RAB38: variants seen among roughly 807,000 people sequenced by gnomAD.
The protein encoded by RAB38 is RAB38, member RAS oncogene family.
In RAB38, 15 loss-of-function variants were observed where a neutral mutation model predicts 18.4. That is an observed-to-expected ratio of 0.82 (90% CI 0.55 to 1.26). The LOEUF (loss-of-function observed/expected upper bound fraction) is 1.26. RAB38 is among the 50% of genes most tolerant of loss of function. RAB38 has a pLI of 0.00. For synonymous variants in RAB38, 101 were observed against 104.4 expected (o/e 0.97, Z 0.20); for missense variants, 294 against 267.4 (o/e 1.10, Z -0.69).
chr11:88,029,505 C>A, the RAB38 span, among the ~76,000 whole-genome samples: 1 of 152,100 alleles, frequency 6.6e-6, no homozygotes, highest in Non-Finnish European at 1.5e-5. Flanking sequence ...CAGAGACACA[C>A]ATAGGCTTAA....
At chr11:88,092,481 C>T in the RAB38 span, among the ~76,000 whole-genome samples, 1 of 147,834 alleles carries the variant, frequency 6.8e-6, no homozygotes, top group Non-Finnish European at 1.5e-5. Context: ...ACAACTGGAT[C>T]TCATATGAAT....
chr11:87,898,898 G>A, the RAB38 span, among the ~76,000 whole-genome samples: 2 of 151,634 alleles, frequency 1.3e-5, no homozygotes, highest in Non-Finnish European at 3.0e-5. Flanking sequence ...GGACCAAGAT[G>A]CCTGTTATCA....
chr11:88,125,623 T>C (rs1048269159), intron 2 of RAB38, among the ~76,000 whole-genome samples: 23 of 152,158 alleles, frequency 1.5e-4, no homozygotes, highest in Non-Finnish European at 3.1e-4. Flanking sequence ...TAGCCCTTTG[T>C]CAGATAAGTA....
In RAB38 at chr11:88,116,355, T is replaced by C. The variant is rs1186254061; in HGVS notation, c.484-2215A>G. ...CCCTATTTGAATGGTTTTAACGTAC[T>C]TGCCTGGCCATTAATAAGCCAATAC... On this transcript the variant is annotated intron_variant, in intron 2 of 2. Transcript: ENST00000243662. Among the ~76,000 whole-genome samples, 7 of 152,366 alleles carry C rather than the reference T, an allele frequency of 4.6e-5. No homozygotes were observed. The East Asian group carries it at 1.2e-3, about 25-fold the overall frequency.
chr11:87,943,327 G>A, the RAB38 span, among the ~76,000 whole-genome samples: 1 of 152,072 alleles, frequency 6.6e-6, no homozygotes, highest in African/African-American at 2.4e-5. Context: ...TTTGTGGGTT[G>A]ATGATACATG....
At chr11:87,826,657 T>C in the RAB38 span, among the ~76,000 whole-genome samples, 1 of 152,322 alleles carries the variant, frequency 6.6e-6, no homozygotes, top group Admixed American at 6.5e-5. Context: ...GTTCTCCTAA[T>C]AACTCTTAAA....
chr11:87,850,714 C>CCCCACACA, the RAB38 span, among the ~76,000 whole-genome samples: 1 of 146,408 alleles, frequency 6.8e-6, no homozygotes, highest in African/African-American at 2.5e-5. Context: ...CACAACACTG[C>CCCCACACA]CACACACACA....
In RAB38 at chr11:88,131,065, A is replaced by G. The variant is rs183709413; in HGVS notation, c.484-16925T>C. Among the ~76,000 whole-genome samples the G allele has an allele frequency of 2.6e-4, 39 of 152,310 alleles. 1 individual carries two copies. In the East Asian group the frequency reaches 4.6e-3, roughly 18 times the overall value. ...CTTAAACATATAAAATAATTTATGTACAAAAATACCCATCATTACATTATT... is the reference window on the plus strand; with the variant it reads ...CTTAAACATATAAAATAATTTATGTGCAAAAATACCCATCATTACATTATT... On this transcript the variant is annotated intron_variant, in intron 2 of 2. Coordinates refer to ENST00000243662, the MANE Select transcript of RAB38 (RefSeq NM_022337.3).
chr11:87,897,466 G>T, the RAB38 span, among the ~76,000 whole-genome samples: 5 of 151,418 alleles, frequency 3.3e-5, no homozygotes, highest in African/African-American at 9.7e-5. Context: ...AAAACCTAAA[G>T]GTCTTGAAGT....
the RAB38 span, among the ~76,000 whole-genome samples, chr11:87,931,844 T>C: frequency 6.6e-6 from 1 of 151,824 alleles, no homozygotes. Flanking sequence ...GATGAATGTG[T>C]GTTCTCTGAC....
chr11:88,123,040 C>T (rs1289429898), intron 2 of RAB38, among the ~76,000 whole-genome samples: 1 of 152,216 alleles, frequency 6.6e-6, no homozygotes, highest in Non-Finnish European at 1.5e-5. Context: ...AAACGATATA[C>T]ACAGATGAAA....
At chr11:88,093,266 C>T in the RAB38 span, among the ~76,000 whole-genome samples, 1 of 151,778 alleles carries the variant, frequency 6.6e-6, no homozygotes, top group African/African-American at 2.4e-5. Context: ...ACCTCTGATC[C>T]AATCTGCAAT....
the RAB38 span, among the ~76,000 whole-genome samples, chr11:87,812,327 A>G: frequency 6.6e-6 from 1 of 152,012 alleles, no homozygotes; most frequent in Non-Finnish European, 1.5e-5. Context: ...TCTGTTACTG[A>G]TGATTAAATC....
the RAB38 span, among the ~76,000 whole-genome samples, chr11:88,018,455 A>G: frequency 6.6e-6 from 1 of 152,092 alleles, no homozygotes; most frequent in African/African-American, 2.4e-5. Context: ...TCTCTTCTAC[A>G]ATAACCCCAT....
chr11:88,143,509 C>T (rs1229106857), intron 2 of RAB38, among the ~76,000 whole-genome samples: 1 of 152,050 alleles, frequency 6.6e-6, no homozygotes, highest in Non-Finnish European at 1.5e-5. Context: ...CCATATTTGG[C>T]CCACAGATCA....
downstream of RAB38, among the ~76,000 whole-genome samples, chr11:88,111,296 C>T (rs1942469996): frequency 6.6e-6 from 1 of 152,008 alleles, no homozygotes; most frequent in Non-Finnish European, 1.5e-5. Context: ...CCATGAGTTC[C>T]AGACACACTA....
the RAB38 span, among the ~76,000 whole-genome samples, chr11:88,095,731 T>C: frequency 2.0e-5 from 3 of 151,918 alleles, no homozygotes; most frequent in African/African-American, 4.8e-5. Context: ...CTCCAATTGG[T>C]ATCTCAAATT....
intron 1 of RAB38, among the ~76,000 whole-genome samples, chr11:88,173,244 C>T (rs1348215356): frequency 3.3e-5 from 5 of 152,104 alleles, no homozygotes; most frequent in Admixed American, 6.5e-5. Flanking sequence ...TTTATATAGG[C>T]TTAAAAAAAT....
intron 2 of RAB38, among the ~76,000 whole-genome samples, chr11:88,116,562 G>A (rs1013363544): frequency 6.6e-6 from 1 of 152,208 alleles, no homozygotes; most frequent in African/African-American, 2.4e-5. Context: ...CTTACACTGG[G>A]TCTTTCTGAC....
Sources: gnomAD v4.1 joint callset for allele counts (sites outside exome capture counted in the v4.1 genomes callset) on GRCh38, gnomAD v4.1.1 for gene constraint, MANE v1.5 for transcripts, NCBI Gene and HGNC (gene_info 2026-07-23, HGNC 2026-07-21) for gene names.